Variants in DLEC1 observed in about 807,000 individuals in gnomAD.
The protein encoded by DLEC1 is deleted in lung and esophageal cancer protein 1.
DLEC1 carries 146 observed loss-of-function variants against 198.1 expected under a neutral mutation model. The observed-to-expected ratio is 0.74, with a 90% CI of 0.64 to 0.85. The LOEUF (loss-of-function observed/expected upper bound fraction) is 0.85, where lower values mean the gene tolerates loss of function less well. DLEC1 is among the 40% of genes least tolerant of loss of function. The pLI is 0.00. For missense variants in DLEC1, 2,233 were observed against 2,220.0 expected (o/e 1.01, Z -0.12); for synonymous variants, 897 against 866.8 (o/e 1.03, Z -0.61).
intron 6 of DLEC1, among the ~76,000 whole-genome samples, chr3:38,069,547 C>T (rs866119257): frequency 1.3e-5 from 2 of 152,166 alleles, no homozygotes; most frequent in Admixed American, 1.3e-4. Context: ...CAGGGAATGT[C>T]TTCACAGCAG....
Position 38,117,696 on chromosome 3 carries a change from A to G in DLEC1, c.4485+85A>G, listed in dbSNP as rs571529470. On this transcript the variant is annotated intron_variant, in intron 32 of 36. Transcript: ENST00000308059. ...TGCCCTTGTGGGACTCAGGCCTTATAGTCTGAGCCCAAATCCCCTCCCCCA... is the reference window on the plus strand; with the variant it reads ...TGCCCTTGTGGGACTCAGGCCTTATGGTCTGAGCCCAAATCCCCTCCCCCA... 1,899 of 1,601,812 alleles carry G rather than the reference A, an allele frequency of 1.2e-3. 34 individuals are homozygous for G. The South Asian group carries it at 0.02, about 17-fold the overall frequency.
intron 1 of DLEC1, among the ~76,000 whole-genome samples, chr3:38,045,279 G>A (rs544642947): frequency 2.6e-5 from 4 of 152,314 alleles, no homozygotes; most frequent in Admixed American, 2.0e-4. Flanking sequence ...TTCACTGTTT[G>A]GATGGCAGCT....
At chr3:38,068,422 G>T (rs553017617) in intron 6 of DLEC1, among the ~76,000 whole-genome samples, 1 of 152,118 alleles carries the variant, frequency 6.6e-6, no homozygotes, top group Non-Finnish European at 1.5e-5. Context: ...GTATAGACGG[G>T]TTTTTGCTAT....
intron 27 of DLEC1, among the ~76,000 whole-genome samples, chr3:38,115,957 CT>C (rs1700135217): frequency 6.6e-6 from 1 of 152,074 alleles, no homozygotes; most frequent in Admixed American, 6.6e-5. Context: ...CAGTTCAGTT[CT>C]TTCAGGGTTA....
At chr3:38,068,442 G>C (rs1314179339) in intron 6 of DLEC1, among the ~76,000 whole-genome samples, 1 of 152,022 alleles carries the variant, frequency 6.6e-6, no homozygotes, top group Non-Finnish European at 1.5e-5. Flanking sequence ...TGTTGCCCAG[G>C]CTGGTTTCAA....
chr3:38,100,466 A>G, intron 19 of DLEC1, 41 bp downstream of exon 19: 2 of 1,567,578 alleles, frequency 1.3e-6, no homozygotes, highest in Non-Finnish European at 1.7e-6. Context: ...CAAACTATGC[A>G]TATTCGTGAT....
chr3:38,112,712 G>A lies in DLEC1; in HGVS notation c.3666+351G>A, dbSNP rs1699952647. On this transcript the variant is annotated intron_variant, in intron 25 of 36. Transcript: ENST00000308059. This position sits in a 1 kb window ranked among gnomAD's most constrained non-coding sequence, Gnocchi z 4.8. ...AGTGTGGAGTGGAGGGACAGTAGCA[G>A]CCTCCCAGAGCCAGGTCCTTGCCCC... Among the ~76,000 whole-genome samples, 1 of 152,188 alleles carries A rather than the reference G, an allele frequency of 6.6e-6. No homozygotes were observed. Among genetic ancestry groups the A allele is most frequent in the Admixed American group, 6.5e-5 (1 of 15,288 alleles).
rs1271053107 is a variant in DLEC1, at chr3:38,117,549, G to A, written c.4423G>A (p.Gly1475Ser). Residue 1475 changes from glycine (G) to serine (S), a missense_variant, in exon 32 of 37, where the codon GGC (glycine) becomes AGC (serine). By Grantham distance (56) the Gly-to-Ser change is moderately conservative. Transcript: ENST00000308059. ...CAGGCTAAGTGTGGAGCTGGACTAC[G>A]GCGGCAGTATGGAATTCCAGTGCCA... Reference protein sequence around the residue: ...PAQLSVELDYGGSMEFQCQAS... With the variant: ...PAQLSVELDYSGSMEFQCQAS... 8.1e-6 allele frequency: 13 copies of A among 1,614,150 alleles called. No individual in the cohort carries two copies. The highest frequency in any genetic ancestry group is 3.3e-4 in the Middle Eastern group (2 of 6,062).
rs2125741674 is a variant in DLEC1 at position 38,116,492 on chromosome 3, AG to A, written c.3898del (p.Glu1300LysfsTer131). 8 of 1,614,102 alleles carry A rather than the reference AG, an allele frequency of 5.0e-6. No individual in the cohort carries two copies. Among genetic ancestry groups the A allele is most frequent in the African/African-American group, 1.3e-5 (1 of 75,022 alleles). ...TGGGAGACCTATGTTCCAGAAGACA[AG>A]GAAGACCGGCTGGTGGAGCTGCTGG... is the stretch of plus-strand genomic sequence containing the variant. ...LDWETYVPED[K>X]EDRLVELLVF... On this transcript the variant is annotated frameshift_variant, in exon 28 of 37. Coordinates refer to ENST00000308059, the MANE Select transcript of DLEC1 (RefSeq NM_007335.4). LOFTEE classifies it high-confidence loss of function.
At chr3:38,100,550 C>T in intron 19 of DLEC1, 125 bp downstream of exon 19, 1 of 1,295,460 alleles carries the variant, frequency 7.7e-7, no homozygotes, top group East Asian at 2.9e-5. Flanking sequence ...AATTAGTATT[C>T]TATAAAATTT....
chr3:38,092,042 A>G (rs1403377079), intron 10 of DLEC1, among the ~76,000 whole-genome samples: 1 of 152,252 alleles, frequency 6.6e-6, no homozygotes, highest in African/African-American at 2.4e-5. Flanking sequence ...CAGTGATGTG[A>G]TCATTGCTCA....
At chr3:38,069,005 C>T (rs994717056) in intron 6 of DLEC1, among the ~76,000 whole-genome samples, 2 of 152,078 alleles carry the variant, frequency 1.3e-5, no homozygotes, top group African/African-American at 2.4e-5. Context: ...AGGGAATATC[C>T]ATATCCTCCA....
chr3:38,083,675 T>A (rs1470656077), intron 6 of DLEC1, among the ~76,000 whole-genome samples: 1 of 152,254 alleles, frequency 6.6e-6, no homozygotes, highest in East Asian at 1.9e-4. Context: ...TCTGGGCATA[T>A]ACCTGCAAGT....
At chr3:38,065,364 CAGAGGGAGAGGG>C (rs1235103846) in intron 6 of DLEC1, among the ~76,000 whole-genome samples, 1 of 146,964 alleles carries the variant, frequency 6.8e-6, no homozygotes, top group African/African-American at 2.7e-5. Flanking sequence ...GGAGACTGTG[CAGAGGGAGAGGG>C]AGAGGGAGAG....
At chr3:38,068,675 T>C (rs116417714) in intron 6 of DLEC1, among the ~76,000 whole-genome samples, 2,963 of 152,288 alleles carry the variant, frequency 0.019, 101 homozygotes, top group African/African-American at 0.067. Context: ...GAGAGGTTGA[T>C]TTATGGAGAT....
At chr3:38,107,854 C>A (rs1201381465) in intron 20 of DLEC1, 117 bp downstream of exon 20, 2 of 1,197,046 alleles carry the variant, frequency 1.7e-6, no homozygotes, top group Non-Finnish European at 2.3e-6. Context: ...AGCCTCCCTC[C>A]CACAGCCTGT....
Position 38,121,633 on chromosome 3 carries a change from G to A in DLEC1, c.4872G>A (p.Val1624=). The A allele has an allele frequency of 4.3e-6, 7 of 1,613,302 alleles. No homozygotes were observed. Among genetic ancestry groups the A allele is most frequent in the Non-Finnish European group, 5.9e-6 (7 of 1,179,750 alleles). ...GGTTGCCTGGTCTCCCACAGGTGGT[G>A]CCCCTGCGGGCTGTGGTGGCCGTGC... ...LEYTNQTTQV[V]PLRAVVAVPE... The change falls in exon 35 of 37, where the codon GTG becomes GTA. Residue 1624 remains valine (V), a synonymous_variant. Transcript: ENST00000308059.
In DLEC1 at chr3:38,115,062, T is replaced by C. The variant is rs746723879; in HGVS notation, c.3856+9T>C. 1.2e-6 allele frequency: 2 copies of C among 1,613,592 alleles called. No homozygotes were observed. Among genetic ancestry groups the C allele is most frequent in the South Asian group, 1.1e-5 (1 of 90,928 alleles). On this transcript the variant is annotated intron_variant, in intron 27 of 36. Transcript: ENST00000308059. ...TAACTCCAGCCCCTGTGGTAAGACA[T>C]GCATGAGAGAAGTCAGTGTTCTTGC...
intron 1 of DLEC1, among the ~76,000 whole-genome samples, chr3:38,040,245 G>A (rs1300721575): frequency 2.0e-5 from 3 of 152,072 alleles, no homozygotes; most frequent in East Asian, 3.9e-4. Context: ...TCTCCTTTCT[G>A]TTCTGTCCTC....
Sources: gnomAD v4.1 joint callset for allele counts (sites outside exome capture counted in the v4.1 genomes callset) on GRCh38, gnomAD v4.1.1 for gene constraint, Gnocchi (gnomAD v3.1) non-coding constraint, MANE v1.5 for transcripts, NCBI Gene and HGNC (gene_info 2026-07-23, HGNC 2026-07-21) for gene names.